CEP162: variants seen among roughly 807,000 people sequenced by gnomAD.
CEP162 encodes centrosomal protein 162, also known as centrosomal protein of 162 kDa.
A neutral mutation model predicts 169.2 loss-of-function variants in CEP162; 141 were observed. The ratio of observed to expected loss-of-function variants is 0.83; its 90% confidence interval spans 0.73 to 0.96. The LOEUF (loss-of-function observed/expected upper bound fraction) is 0.96, where lower values mean the gene tolerates loss of function less well. Ranked by LOEUF, CEP162 falls within the 40% of genes least tolerant of loss-of-function variation. CEP162 has a pLI of 0.00. For missense variants in CEP162, 1,600 were observed against 1,587.2 expected, an observed-to-expected ratio of 1.01 and a Z score of -0.14; for synonymous variants, 540 against 526.4, an observed-to-expected ratio of 1.03 and a Z score of -0.35.
At chr6:84,144,448 A>T (rs1424372676) in intron 25 of CEP162, among the ~76,000 whole-genome samples, 4 of 152,082 alleles carry the variant, frequency 2.6e-5, no homozygotes, top group African/African-American at 9.7e-5. Context: ...CTCTCATCAG[A>T]TGTTTAACTA....
At chr6:84,206,886 C>A (rs1490328100) in intron 6 of CEP162, among the ~76,000 whole-genome samples, 1 of 152,126 alleles carries the variant, frequency 6.6e-6, no homozygotes, top group African/African-American at 2.4e-5. Flanking sequence ...AAAAATCAAA[C>A]AACCCCACCA....
chr6:84,152,626 A>C lies in CEP162; in HGVS notation c.3548T>G (p.Leu1183Arg). The C allele has an allele frequency of 6.3e-7, 1 of 1,581,364 alleles. No homozygotes were observed. The highest frequency in any genetic ancestry group is 8.6e-7 in the Non-Finnish European group (1 of 1,162,232). The change falls in exon 23 of 27, where the codon CTA (leucine) becomes CGA (arginine). Residue 1183 changes from leucine to arginine, a missense_variant. Transcript: ENST00000403245. Reference sequence around the variant, plus strand: ...ATTCTTCTCTGAAATTAATCCTTCTAGCTCATTTTTTAATCTGTAGTTTTC... The same window carrying C: ...ATTCTTCTCTGAAATTAATCCTTCTCGCTCATTTTTTAATCTGTAGTTTTC... ...LQENYRLKNE[L>R]EGLISEKNEL...
chr6:84,177,480 A>G (rs1384379165), intron 13 of CEP162, among the ~76,000 whole-genome samples: 1 of 152,154 alleles, frequency 6.6e-6, no homozygotes, highest in Non-Finnish European at 1.5e-5. Context: ...TTTCCTCTCA[A>G]CACTGTGCTG....
chr6:84,214,750 G>C (rs141608427), intron 5 of CEP162, among the ~76,000 whole-genome samples: 1 of 152,178 alleles, frequency 6.6e-6, no homozygotes, highest in Non-Finnish European at 1.5e-5. Context: ...GGGCATTAAA[G>C]ACCTCAGGTT....
At chr6:84,190,551 G>A (rs1453203230) in intron 11 of CEP162, among the ~76,000 whole-genome samples, 2 of 151,858 alleles carry the variant, frequency 1.3e-5, no homozygotes, top group African/African-American at 2.4e-5. Context: ...TGAGCCCAGC[G>A]AGACCACGAG....
intron 9 of CEP162, among the ~76,000 whole-genome samples, chr6:84,199,558 CAAA>C (rs11356971): frequency 0.04 from 5,419 of 134,148 alleles, 142 homozygotes; most frequent in Admixed American, 0.089. Context: ...AAGTAAAAAG[CAAA>C]AAAAAAAAAA....
intron 6 of CEP162, among the ~76,000 whole-genome samples, chr6:84,207,142 T>G (rs959057135): frequency 6.6e-6 from 1 of 151,866 alleles, no homozygotes; most frequent in Non-Finnish European, 1.5e-5. Flanking sequence ...ACTAGTTCAA[T>G]TGTGGAAGAC....
At chr6:84,175,846 G>A (rs894669047) in intron 13 of CEP162, among the ~76,000 whole-genome samples, 3 of 151,772 alleles carry the variant, frequency 2.0e-5, no homozygotes, top group Non-Finnish European at 4.4e-5. Context: ...ATTGCACGGA[G>A]GATTTTATAA....
In CEP162 at chr6:84,174,941, T is replaced by A; in HGVS notation, c.1811A>T (p.Tyr604Phe). 7 of 1,597,254 alleles carry A rather than the reference T, an allele frequency of 4.4e-6. No homozygotes were observed. The highest frequency in any genetic ancestry group is 5.1e-6 in the Non-Finnish European group (6 of 1,170,474). Residue 604 changes from tyrosine (Y) to phenylalanine (F), a missense_variant, in exon 15 of 27, where the codon TAC (tyrosine) becomes TTC (phenylalanine). Physicochemically the swap from Tyr to Phe is conservative, Grantham distance 22 (BLOSUM62 3). Coordinates refer to ENST00000403245, the MANE Select transcript of CEP162 (RefSeq NM_014895.4). ...CIQFQTDSLG[Y>F]CGENKEKKLL... The stretch of plus-strand genomic sequence containing the variant: ...TTTCTTCTCCTTGTTCTCACCACAG[T>A]ATCCTAAGGAATCCTTTCAAGACAA...
At chr6:84,174,582 T>G (rs1432485852) in intron 15 of CEP162, 145 bp downstream of exon 15, 8 of 560,160 alleles carry the variant, frequency 1.4e-5, no homozygotes, top group South Asian at 7.8e-5. Flanking sequence ...ACGGAATCAC[T>G]CTTGGAACCA....
In CEP162 at chr6:84,202,518, CTTTTTTTT is replaced by C. The variant is rs70987776; in HGVS notation, c.688-759_688-752del. On this transcript the variant is annotated intron_variant, in intron 7 of 26. Coordinates refer to ENST00000403245, the MANE Select transcript of CEP162 (RefSeq NM_014895.4). ...CATTTTTCTTTTCTTTTCTTTCTTT[CTTTTTTTT>C]TTTTTTTTTTTTTTTTTTTGAGACA... 1.2e-4 allele frequency among the ~76,000 whole-genome samples: 11 copies of C among 90,746 alleles called. 1 individual carries two copies. Among genetic ancestry groups the C allele is most frequent in the African/African-American group, 2.3e-4 (4 of 17,202 alleles). 59.5% of individuals were successfully genotyped at this position (90,746 alleles called of 152,430 possible). A position where few individuals can be genotyped will look rare whatever the true frequency, so the allele number is the denominator to read the frequency against.
chr6:84,142,465 T>G (rs530896802), intron 25 of CEP162, among the ~76,000 whole-genome samples: 29 of 152,268 alleles, frequency 1.9e-4, no homozygotes, highest in African/African-American at 6.5e-4. Flanking sequence ...TTGTCAAAAG[T>G]AATTCATAAA....
At chr6:84,139,345 G>A (rs1352072854) in intron 25 of CEP162, among the ~76,000 whole-genome samples, 1 of 152,174 alleles carries the variant, frequency 6.6e-6, no homozygotes, top group African/African-American at 2.4e-5. Flanking sequence ...CTTTGTTGAA[G>A]ATGGTTTGTA....
At chr6:84,216,656 A>C (rs2099551678) in intron 3 of CEP162, among the ~76,000 whole-genome samples, 1 of 152,198 alleles carries the variant, frequency 6.6e-6, no homozygotes, top group South Asian at 2.1e-4. Flanking sequence ...ATTATTATAG[A>C]TATTTCTTAG....
chr6:84,215,616 C>T (rs951877199), intron 4 of CEP162, among the ~76,000 whole-genome samples, 151 bp from the exon 5 acceptor site: 1 of 152,056 alleles, frequency 6.6e-6, no homozygotes, highest in African/African-American at 2.4e-5. Context: ...ATTAATAATA[C>T]GTAAGGTTTA....
intron 24 of CEP162, among the ~76,000 whole-genome samples, chr6:84,148,505 T>C (rs1357197065): frequency 6.6e-6 from 1 of 152,136 alleles, no homozygotes; most frequent in African/African-American, 2.4e-5. Context: ...AGAAGGAGAC[T>C]GTCTCAAAGA....
chr6:84,185,641 G>A (rs1164518502), intron 12 of CEP162, among the ~76,000 whole-genome samples, 193 bp from the exon 13 acceptor site: 1 of 152,092 alleles, frequency 6.6e-6, no homozygotes, highest in African/African-American at 2.4e-5. Flanking sequence ...TTCAAAGTTA[G>A]CATTGAAACA....
At chr6:84,151,981 T>C (rs2099521299) in intron 23 of CEP162, among the ~76,000 whole-genome samples, 1 of 152,028 alleles carries the variant, frequency 6.6e-6, no homozygotes, top group African/African-American at 2.4e-5. Flanking sequence ...GATTGGAACC[T>C]GATCAGGTGA....
intron 13 of CEP162, 88 bp from the exon 14 acceptor site, chr6:84,175,435 T>A: frequency 2.1e-6 from 2 of 935,196 alleles, no homozygotes; most frequent in Admixed American, 3.1e-5. Context: ...AAAAATACAA[T>A]GGAAACACAA....
Sources: gnomAD v4.1 joint callset for allele counts (sites outside exome capture counted in the v4.1 genomes callset) on GRCh38, gnomAD v4.1.1 for gene constraint, MANE v1.5 for transcripts, NCBI Gene and HGNC (gene_info 2026-07-23, HGNC 2026-07-21) for gene names.